The following NALF1 variants were observed in gnomAD, a reference collection of about 807,000 sequenced individuals.
The protein encoded by NALF1 is NALCN channel auxiliary factor 1.
In NALF1, 3 loss-of-function variants were observed where a neutral mutation model predicts 48.4. The ratio of observed to expected loss-of-function variants is 0.06; its 90% CI spans 0.03 to 0.16. NALF1 has a LOEUF of 0.16. Among genes scored for constraint, NALF1 ranks in the 10% least tolerant of loss-of-function variants. The pLI, the probability that NALF1 is intolerant of heterozygous loss-of-function variation, is 1.00. For missense variants in NALF1, 526 were observed against 571.5 expected (o/e 0.92, Z 0.81); for synonymous variants, 262 against 245.7 (o/e 1.07, Z -0.62).
At chr13:107,320,667 A>T (rs1013230899) in intron 1 of NALF1, among the ~76,000 whole-genome samples, 4 of 152,074 alleles carry the variant, frequency 2.6e-5, no homozygotes, top group African/African-American at 7.2e-5. Flanking sequence ...ACATTCACTA[A>T]GTACTATATC....
intron 1 of NALF1, among the ~76,000 whole-genome samples, chr13:107,538,315 G>A (rs930282851): frequency 2.0e-5 from 3 of 152,040 alleles, no homozygotes; most frequent in Non-Finnish European, 4.4e-5. Flanking sequence ...AGTCTTTCAT[G>A]GATCGGTAAT....
intron 1 of NALF1, among the ~76,000 whole-genome samples, chr13:107,745,632 T>A (rs1876761647): frequency 6.6e-6 from 1 of 152,174 alleles, no homozygotes; most frequent in Non-Finnish European, 1.5e-5. Context: ...GTACCAATAT[T>A]TATTTATTTA....
At chr13:107,502,944 G>A (rs1254943527) in intron 1 of NALF1, among the ~76,000 whole-genome samples, 1 of 152,170 alleles carries the variant, frequency 6.6e-6, no homozygotes, top group East Asian at 1.9e-4. Flanking sequence ...ACATCCCACA[G>A]TGTATCCAGC....
At position 107,166,498 on chromosome 13, in the gene NALF1, A is replaced by C. The variant is rs1486614519; in HGVS notation, c.*3999T>G. 6.6e-6 allele frequency: 1 copy of C among 152,218 alleles called. No individual in the cohort carries two copies. The highest frequency in any genetic ancestry group is 1.5e-5 in the Non-Finnish European group (1 of 68,036). The allele number at this position is 152,218 out of a possible 1,614,324, so 9.4% of individuals were successfully genotyped here. A position where few individuals can be genotyped will look rare whatever the true frequency, so the allele number is the denominator to read the frequency against. ...ATAAATAAAACAAAATGCAGCTTTC[A>C]GTTCTGTGTTGATTTAATGCTTTGA... On this transcript the variant is annotated 3_prime_UTR_variant, in exon 3 of 3. Coordinates refer to ENST00000375915, the MANE Select transcript of NALF1 (RefSeq NM_001080396.3).
intron 1 of NALF1, among the ~76,000 whole-genome samples, chr13:107,772,991 T>A (rs1299891251): frequency 6.6e-6 from 1 of 152,230 alleles, no homozygotes; most frequent in Non-Finnish European, 1.5e-5. Context: ...GGGTTTTTTT[T>A]ACATTTCATA....
Position 107,414,953 on chromosome 13 carries a change from G to C in NALF1, c.916-204198C>G, listed in dbSNP as rs180752806. On this transcript the variant is annotated intron_variant, in intron 1 of 2. Transcript: ENST00000375915. ...GTGTTTACCCTTGCACAGTGTTCTA[G>C]AAGCAAGCGTTTCAAAACTTCAGCA... 1.1e-3 allele frequency among the ~76,000 whole-genome samples: 172 copies of C among 150,838 alleles called. 1 individual carries two copies. Among genetic ancestry groups the C allele is most frequent in the Non-Finnish European group, 1.4e-3 (96 of 67,490 alleles).
chr13:107,187,468 G>T (rs188502759), intron 2 of NALF1, among the ~76,000 whole-genome samples: 1 of 152,284 alleles, frequency 6.6e-6, no homozygotes, highest in East Asian at 1.9e-4. Flanking sequence ...AGGGTGAGGG[G>T]ATGGGAAACA....
intron 1 of NALF1, among the ~76,000 whole-genome samples, chr13:107,296,822 G>A (rs972003491): frequency 6.6e-6 from 1 of 151,876 alleles, no homozygotes; most frequent in African/African-American, 2.4e-5. Context: ...ATAAAAACAC[G>A]ATGGTATGAT....
chr13:107,376,375 T>G (rs1465580987), intron 1 of NALF1, among the ~76,000 whole-genome samples: 1 of 152,162 alleles, frequency 6.6e-6, no homozygotes, highest in Non-Finnish European at 1.5e-5. Context: ...TCCACATTCT[T>G]CAACTGTTTT....
intron 1 of NALF1, among the ~76,000 whole-genome samples, chr13:107,214,503 G>A (rs910618394): frequency 9.9e-5 from 15 of 152,116 alleles, no homozygotes; most frequent in South Asian, 4.1e-4. Context: ...AAATGTGTGC[G>A]AGGTCTCTGG....
At chr13:107,756,435 C>CCATATATATATATATATATA (rs1555323651) in intron 1 of NALF1, among the ~76,000 whole-genome samples, 1 of 141,056 alleles carries the variant, frequency 7.1e-6, no homozygotes, top group Non-Finnish European at 1.5e-5. Context: ...AGTTTAATGG[C>CCATATATATATATATATATA]TATATATATA....
At chr13:107,224,394 T>C (rs948268714) in intron 1 of NALF1, among the ~76,000 whole-genome samples, 4 of 150,160 alleles carry the variant, frequency 2.7e-5, no homozygotes, top group Non-Finnish European at 5.9e-5. Context: ...TATATACAAA[T>C]GATACCTCCA....
At chr13:107,275,488 A>G (rs1881261861) in intron 1 of NALF1, among the ~76,000 whole-genome samples, 1 of 152,142 alleles carries the variant, frequency 6.6e-6, no homozygotes, top group Non-Finnish European at 1.5e-5. Flanking sequence ...ATTATTAGGT[A>G]ATATATTAGT....
At chr13:107,854,138 C>T (rs771868797) in intron 1 of NALF1, among the ~76,000 whole-genome samples, 21 of 152,226 alleles carry the variant, frequency 1.4e-4, no homozygotes, top group Middle Eastern at 6.8e-3. Flanking sequence ...AACGAACATT[C>T]GGTGTAAAAA....
At chr13:107,194,259 T>A (rs1879347053) in intron 2 of NALF1, among the ~76,000 whole-genome samples, 1 of 152,132 alleles carries the variant, frequency 6.6e-6, no homozygotes. Flanking sequence ...CTTGAGCGCT[T>A]GGCTGATTGT....
At chr13:107,680,849 A>G (rs1337850061) in intron 1 of NALF1, among the ~76,000 whole-genome samples, 1 of 139,848 alleles carries the variant, frequency 7.2e-6, no homozygotes, top group East Asian at 2.1e-4. Context: ...AGAGTGTAAG[A>G]GTATGTGAGT....
intron 1 of NALF1, among the ~76,000 whole-genome samples, chr13:107,361,183 A>C (rs904874442): frequency 4.1e-4 from 63 of 152,326 alleles, no homozygotes; most frequent in African/African-American, 1.4e-3. Context: ...TTAGACAGAT[A>C]AACAAAAAGC....
chr13:107,543,631 G>C (rs1003478325), intron 1 of NALF1, among the ~76,000 whole-genome samples: 4 of 152,018 alleles, frequency 2.6e-5, no homozygotes, highest in Non-Finnish European at 5.9e-5. Flanking sequence ...AACAGTGTAA[G>C]TTGAACCATA....
intron 1 of NALF1, among the ~76,000 whole-genome samples, chr13:107,630,255 T>A (rs1221204078): frequency 6.6e-6 from 1 of 152,200 alleles, no homozygotes; most frequent in African/African-American, 2.4e-5. Context: ...TGTCCACTCT[T>A]ACCTCTGTCC....
Sources: gnomAD v4.1 joint callset for allele counts (sites outside exome capture counted in the v4.1 genomes callset) on GRCh38, gnomAD v4.1.1 for gene constraint, MANE v1.5 for transcripts, NCBI Gene and HGNC (gene_info 2026-07-23, HGNC 2026-07-21) for gene names.